The following MAP2 variants were observed in gnomAD, a reference collection of about 807,000 sequenced individuals.
MAP2 encodes microtubule associated protein 2.
MAP2 carries 14 observed loss-of-function variants against 137.6 expected under a neutral mutation model. That is an observed-to-expected ratio of 0.10 (90% CI 0.07 to 0.16). The LOEUF (loss-of-function observed/expected upper bound fraction) is 0.16, where lower values mean the gene tolerates loss of function less well. Among genes scored for constraint, MAP2 ranks in the 10% least tolerant of loss-of-function variants. MAP2 has a pLI of 1.00. For missense variants in MAP2, 2,088 were observed against 2,191.5 expected (o/e 0.95, Z 0.94); for synonymous variants, 786 against 782.3 (o/e 1.00, Z -0.08).
Position 209,693,220 on chromosome 2 carries a change from A to G in MAP2, c.1050A>G (p.Lys350=). ...CTGCCTTTTTACAGCCAGATGACAAAAAATCTCTGCAACAAACCAGTGGCC... is the reference window on the plus strand; with the variant it reads ...CTGCCTTTTTACAGCCAGATGACAAGAAATCTCTGCAACAAACCAGTGGCC... ...FAPAFLQPDD[K]KSLQQTSGPA... The change falls in exon 8 of 16, where the codon AAA becomes AAG. Residue 350 remains lysine (K), a synonymous_variant. Coordinates refer to ENST00000682079, the MANE Select transcript of MAP2 (RefSeq NM_001375505.1). 1 of 1,613,372 alleles carries G rather than the reference A, an allele frequency of 6.2e-7. No homozygotes were observed. The highest frequency in any genetic ancestry group is 1.1e-5 in the South Asian group (1 of 90,890).
At chr2:209,569,184 G>A (rs2073988928) in intron 2 of MAP2, among the ~76,000 whole-genome samples, 1 of 151,720 alleles carries the variant, frequency 6.6e-6, no homozygotes, top group African/African-American at 2.4e-5. Context: ...TATTCAAATA[G>A]CTAACCAAGA....
intron 1 of MAP2, among the ~76,000 whole-genome samples, chr2:209,480,644 G>A (rs965440433): frequency 6.6e-6 from 1 of 152,108 alleles, no homozygotes; most frequent in Non-Finnish European, 1.5e-5. Context: ...CAGTCATTTT[G>A]TGTTGTTTGA....
intron 2 of MAP2, among the ~76,000 whole-genome samples, chr2:209,573,210 A>G (rs1453422569): frequency 6.6e-6 from 1 of 152,034 alleles, no homozygotes; most frequent in Non-Finnish European, 1.5e-5. Context: ...GTGGCCATGG[A>G]ATTCAAAGAC....
intron 1 of MAP2, among the ~76,000 whole-genome samples, chr2:209,501,566 T>C (rs1168433149): frequency 6.6e-6 from 1 of 152,200 alleles, no homozygotes; most frequent in Admixed American, 6.5e-5. Context: ...ATTGGTGCTT[T>C]TAGTATGCTG....
In MAP2 at chr2:209,678,677, T is replaced by G. The variant is rs746890780; in HGVS notation, c.368T>G (p.Leu123Arg). The G allele has an allele frequency of 1.9e-6, 3 of 1,589,046 alleles. No individual in the cohort carries two copies. In the Admixed American group the frequency reaches 5.3e-5, roughly 28 times the overall value. The change falls in exon 6 of 16, where the codon CTG becomes CGG. Residue 123 changes from leucine (L) to arginine (R), a missense_variant. Around this residue, in one of 6 missense-constraint regions of MAP2, gnomAD observed 859 missense variants for 794.5 expected, o/e 1.08. Transcript: ENST00000682079. Reference sequence around the variant, plus strand: ...CAACATAAAGACCAGACTGCAGCTCTGCCTTTAGGTAAATAAGAAGATTCT... The same window carrying G: ...CAACATAAAGACCAGACTGCAGCTCGGCCTTTAGGTAAATAAGAAGATTCT... ...EAQHKDQTAA[L>R]PLAAEETANL...
chr2:209,555,895 G>A lies in MAP2; in HGVS notation c.-171-24141G>A, dbSNP rs578104754. 1.2e-3 allele frequency among the ~76,000 whole-genome samples: 184 copies of A among 152,168 alleles called. 1 individual carries two copies. Among genetic ancestry groups the A allele is most frequent in the African/African-American group, 4.2e-3 (175 of 41,516 alleles). On this transcript the variant is annotated intron_variant, in intron 2 of 15. Transcript: ENST00000682079. ...TCTCAGCATCTGCAGTTTGTAACAGGCCTGGCATCCAGAAAGACAGCCTAG... is the reference window on the plus strand; with the variant it reads ...TCTCAGCATCTGCAGTTTGTAACAGACCTGGCATCCAGAAAGACAGCCTAG...
intron 5 of MAP2, among the ~76,000 whole-genome samples, chr2:209,676,711 C>A (rs2051701054): frequency 8.8e-6 from 1 of 113,344 alleles, no homozygotes; most frequent in East Asian, 2.6e-4. Flanking sequence ...ATCCAGAAGA[C>A]ACAAAGGTCA....
At chr2:209,551,704 C>G (rs1337276395) in intron 2 of MAP2, among the ~76,000 whole-genome samples, 1 of 152,078 alleles carries the variant, frequency 6.6e-6, no homozygotes, top group Non-Finnish European at 1.5e-5. Flanking sequence ...CCGAAATGTT[C>G]TCTCTGTGGA....
In MAP2 at chr2:209,595,205, G is replaced by A. The variant is rs912557035; in HGVS notation, c.-107+15105G>A. ...AATAAATGTGAAATTTAGGTTTGGCGGTTTGGCGTAGAATATATGACTTAA... is the reference window on the plus strand; with the variant it reads ...AATAAATGTGAAATTTAGGTTTGGCAGTTTGGCGTAGAATATATGACTTAA... On this transcript the variant is annotated intron_variant, in intron 3 of 15. Coordinates refer to ENST00000682079, the MANE Select transcript of MAP2 (RefSeq NM_001375505.1). 7.4e-5 allele frequency among the ~76,000 whole-genome samples: 10 copies of A among 135,356 alleles called. No homozygotes were observed. The East Asian group carries it at 1.4e-3, about 18-fold the overall frequency. The allele number at this position is 135,356 out of a possible 152,430, so 88.8% of individuals were successfully genotyped here.
intron 2 of MAP2, among the ~76,000 whole-genome samples, chr2:209,529,720 T>C (rs888552225): frequency 1.3e-5 from 2 of 152,076 alleles, no homozygotes; most frequent in Non-Finnish European, 1.5e-5. Flanking sequence ...AGAGAAGCAA[T>C]AAATACTTTG....
chr2:209,558,530 C>G (rs1218227420), intron 2 of MAP2, among the ~76,000 whole-genome samples: 1 of 151,860 alleles, frequency 6.6e-6, no homozygotes, highest in Non-Finnish European at 1.5e-5. Context: ...AGACACTTCA[C>G]CTCTAAACAC....
chr2:209,512,025 C>A (rs1028500268), intron 2 of MAP2, among the ~76,000 whole-genome samples: 2 of 152,074 alleles, frequency 1.3e-5, no homozygotes, highest in Non-Finnish European at 2.9e-5. Context: ...CTGGCTTAAC[C>A]TCTGATGCCC....
At chr2:209,680,653 T>C (rs2054168472) in intron 6 of MAP2, 97 bp from the exon 7 acceptor site, 2 of 1,015,610 alleles carry the variant, frequency 2.0e-6, no homozygotes, top group South Asian at 2.8e-5. Context: ...CTGAATTTTA[T>C]AGAGAGGTCT....
chr2:209,570,146 C>T (rs2074148391), intron 2 of MAP2, among the ~76,000 whole-genome samples: 1 of 151,836 alleles, frequency 6.6e-6, no homozygotes, highest in Non-Finnish European at 1.5e-5. Flanking sequence ...TATGCACAGC[C>T]TACTTACATA....
In MAP2 at chr2:209,729,845, C is replaced by T. The variant is rs1276531330; in HGVS notation, c.5156-5C>T. On this transcript the variant is annotated splice_polypyrimidine_tract_variant and splice_region_variant and intron_variant, in intron 14 of 15. Transcript: ENST00000682079. ...AGTTAAATCAAGGTATTTCTTCCCTCATAGGTGGCGGACGTGTGAAAATTG... is the reference window on the plus strand; with the variant it reads ...AGTTAAATCAAGGTATTTCTTCCCTTATAGGTGGCGGACGTGTGAAAATTG... The T allele has an allele frequency of 1.3e-6, 2 of 1,590,158 alleles. No individual in the cohort carries two copies. Among genetic ancestry groups the T allele is most frequent in the Non-Finnish European group, 1.7e-6 (2 of 1,159,386 alleles).
intron 1 of MAP2, among the ~76,000 whole-genome samples, chr2:209,428,408 T>C (rs1693182747): frequency 6.6e-6 from 1 of 151,448 alleles, no homozygotes; most frequent in African/African-American, 2.4e-5. Context: ...CTTTTTGTTA[T>C]GTTAATGAGC....
intron 4 of MAP2, among the ~76,000 whole-genome samples, chr2:209,638,027 T>G (rs2093705839): frequency 6.6e-6 from 1 of 152,186 alleles, no homozygotes; most frequent in Non-Finnish European, 1.5e-5. Flanking sequence ...TATTTGTCTT[T>G]GCAGAAAAAT....
chr2:209,481,621 G>T (rs1708806965), intron 1 of MAP2, among the ~76,000 whole-genome samples: 1 of 152,062 alleles, frequency 6.6e-6, no homozygotes, highest in Admixed American at 6.6e-5. Flanking sequence ...ACATAAAATT[G>T]GCTCCCCACA....
intron 1 of MAP2, among the ~76,000 whole-genome samples, chr2:209,460,167 G>T (rs1019214900): frequency 6.6e-6 from 1 of 152,152 alleles, no homozygotes; most frequent in South Asian, 2.1e-4. Flanking sequence ...CTGTGTGTGT[G>T]CATGTGTGCA....
Sources: gnomAD v4.1 joint callset for allele counts (sites outside exome capture counted in the v4.1 genomes callset) on GRCh38, gnomAD v4.1.1 for gene constraint, gnomAD v4.1.1 regional missense constraint, MANE v1.5 for transcripts, NCBI Gene and HGNC (gene_info 2026-07-23, HGNC 2026-07-21) for gene names.